DIS3L2: variants seen among roughly 807,000 people sequenced by gnomAD.
DIS3L2 encodes the protein DIS3 like 3'-5' exoribonuclease 2, also known as DIS3-like exonuclease 2.
Under a neutral mutation model 97.5 loss-of-function variants are expected in DIS3L2, and 34 were observed. That is an observed-to-expected ratio of 0.35 (90% CI 0.27 to 0.46). The LOEUF is 0.46. DIS3L2 is among the 20% of genes least tolerant of loss of function. The pLI is 1.00. For missense variants in DIS3L2, 1,038 were observed against 1,146.0 expected (o/e 0.91, Z 1.36); for synonymous variants, 435 against 445.2 (o/e 0.98, Z 0.29).
intron 9 of DIS3L2, among the ~76,000 whole-genome samples, chr2:232,202,287 A>G (rs1176645611): frequency 1.3e-5 from 2 of 152,286 alleles, no homozygotes; most frequent in African/African-American, 4.8e-5. Context: ...AGTCCCAGCT[A>G]CTTGGGAGGC....
chr2:232,043,204 A>G (rs1695154730), intron 5 of DIS3L2, among the ~76,000 whole-genome samples: 1 of 151,844 alleles, frequency 6.6e-6, no homozygotes, highest in African/African-American at 2.4e-5. Flanking sequence ...CATTATCTTT[A>G]CTCCAAAGCT....
chr2:232,005,537 C>A (rs571699795), intron 1 of DIS3L2, among the ~76,000 whole-genome samples: 10 of 152,104 alleles, frequency 6.6e-5, no homozygotes, highest in Non-Finnish European at 1.3e-4. Context: ...GTGGCCTGCC[C>A]TTGGGACAAA....
At chr2:232,192,381 A>G (rs1031361470) in intron 9 of DIS3L2, among the ~76,000 whole-genome samples, 1 of 152,108 alleles carries the variant, frequency 6.6e-6, no homozygotes, top group Non-Finnish European at 1.5e-5. Flanking sequence ...TCTCTAACTC[A>G]CGGTCCTCAT....
chr2:232,312,791 A>C (rs1314731223), intron 14 of DIS3L2, among the ~76,000 whole-genome samples: 5 of 152,080 alleles, frequency 3.3e-5, no homozygotes, highest in Admixed American at 2.0e-4. Context: ...TCTGTTAGAG[A>C]TCTTGCTCAT....
intron 5 of DIS3L2, among the ~76,000 whole-genome samples, chr2:232,080,874 G>A (rs927388853): frequency 3.4e-5 from 5 of 145,006 alleles, no homozygotes; most frequent in Admixed American, 1.4e-4. Context: ...GCACTCAAGC[G>A]TAGGTAACAA....
intron 1 of DIS3L2, among the ~76,000 whole-genome samples, chr2:232,003,604 C>T (rs1693967035): frequency 6.6e-6 from 1 of 152,142 alleles, no homozygotes; most frequent in Admixed American, 6.5e-5. Flanking sequence ...GCCTGAAGAA[C>T]TCAGTATGGC....
chr2:231,965,642 C>T (rs1384685204), intron 1 of DIS3L2, among the ~76,000 whole-genome samples: 1 of 152,120 alleles, frequency 6.6e-6, no homozygotes. Context: ...TGGTACCAGG[C>T]ACTATGCTTG....
intron 3 of DIS3L2, among the ~76,000 whole-genome samples, chr2:232,018,774 CAT>C (rs1357042636): frequency 6.6e-6 from 1 of 151,786 alleles, no homozygotes; most frequent in Non-Finnish European, 1.5e-5. Flanking sequence ...TTCGACATTT[CAT>C]TAGTATTTTT....
intron 5 of DIS3L2, among the ~76,000 whole-genome samples, chr2:232,048,695 C>T (rs1293268081): frequency 6.6e-6 from 1 of 151,288 alleles, no homozygotes; most frequent in Non-Finnish European, 1.5e-5. Flanking sequence ...CGCGCCACTG[C>T]ACTCCAGCCT....
chr2:232,290,202 C>T (rs1309714631), intron 13 of DIS3L2, among the ~76,000 whole-genome samples: 1 of 152,254 alleles, frequency 6.6e-6, no homozygotes, highest in Non-Finnish European at 1.5e-5. Context: ...AGATTGGCTG[C>T]ACTCTCTCTC....
At chr2:232,330,615 C>T in intron 15 of DIS3L2, 75 bp from the exon 16 acceptor site, 1 of 1,479,514 alleles carries the variant, frequency 6.8e-7, no homozygotes, top group Middle Eastern at 1.7e-4. Flanking sequence ...ATGAGGTGCT[C>T]AGCGGATGAC....
At chr2:232,327,153 G>T (rs1262546157) in intron 14 of DIS3L2, among the ~76,000 whole-genome samples, 18 of 151,688 alleles carry the variant, frequency 1.2e-4, no homozygotes, top group African/African-American at 3.9e-4. Flanking sequence ...AACCCATAGA[G>T]GGTGGGGCAT....
At chr2:232,337,623 G>T (rs1398157740), downstream of DIS3L2, among the ~76,000 whole-genome samples, 2 of 152,056 alleles carry the variant, frequency 1.3e-5, no homozygotes, top group African/African-American at 4.8e-5. Context: ...CGTGGGGGAA[G>T]CTCCGTGGCT....
At position 232,248,368 on chromosome 2, in the gene DIS3L2, G is replaced by A. The variant is rs1309285564; in HGVS notation, c.1318-871G>A. 3.9e-5 allele frequency among the ~76,000 whole-genome samples: 6 copies of A among 152,284 alleles called. No homozygotes were observed. The East Asian group carries it at 1.2e-3, about 29-fold the overall frequency. On this transcript the variant is annotated intron_variant, in intron 11 of 20. Coordinates refer to ENST00000325385, the MANE Select transcript of DIS3L2 (RefSeq NM_152383.5). ...ACTGCTGATGTTTTTAGTTAGAGAGGTGGGGTGGATGGTCCTGCCATTAAT... is the reference window on the plus strand; with the variant it reads ...ACTGCTGATGTTTTTAGTTAGAGAGATGGGGTGGATGGTCCTGCCATTAAT...
At position 232,142,746 on chromosome 2, in the gene DIS3L2, G is replaced by A. The variant is rs573265123; in HGVS notation, c.950+6027G>A. Among the ~76,000 whole-genome samples the A allele has an allele frequency of 3.6e-4, 55 of 152,168 alleles. 1 individual carries two copies. The highest frequency in any genetic ancestry group is 1.1e-3 in the African/African-American group (47 of 41,504). On this transcript the variant is annotated intron_variant, in intron 8 of 20. Transcript: ENST00000325385. ...GAGCCATAAGAAGCGAAAATAACTC[G>A]TTCCCTCTCCTGATTATAGAAAATA...
intron 13 of DIS3L2, among the ~76,000 whole-genome samples, chr2:232,294,459 G>C (rs1315541083): frequency 2.6e-5 from 4 of 152,198 alleles, no homozygotes; most frequent in African/African-American, 9.6e-5. Flanking sequence ...CACACCAGTA[G>C]GGACATACTT....
chr2:232,329,892 C>G lies in DIS3L2; in HGVS notation c.1819C>G (p.Leu607Val). 6.2e-7 allele frequency: 1 copy of G among 1,612,278 alleles called. No homozygotes were observed. Among genetic ancestry groups the G allele is most frequent in the Non-Finnish European group, 8.5e-7 (1 of 1,179,472 alleles). Residue 607 changes from leucine to valine, a missense_variant, in exon 15 of 21, where the codon CTG (leucine) becomes GTG (valine). By Grantham distance (32) the Leu-to-Val change is conservative (BLOSUM62 1). This residue lies in a region of DIS3L2 where 813 missense variants were observed against 880.1 expected (regional missense o/e 0.92). Coordinates refer to ENST00000325385, the MANE Select transcript of DIS3L2 (RefSeq NM_152383.5). The stretch of plus-strand genomic sequence containing the variant: ...CCGCGCCTTCCCCGAGCAGGCCCTG[C>G]TGCGCCGGCACCCCCCGCCCCAAAC... The part of the protein sequence containing the change: ...IHRAFPEQAL[L>V]RRHPPPQTRM...
intron 1 of DIS3L2, among the ~76,000 whole-genome samples, chr2:231,977,729 G>T (rs1468866714): frequency 1.3e-5 from 2 of 152,204 alleles, no homozygotes; most frequent in African/African-American, 4.8e-5. Flanking sequence ...TGTAATATTT[G>T]TATCTCAAAG....
intron 10 of DIS3L2, among the ~76,000 whole-genome samples, chr2:232,217,003 C>T (rs560708146): frequency 4.6e-5 from 7 of 152,198 alleles, no homozygotes; most frequent in East Asian, 3.9e-4. Flanking sequence ...CCACCACACC[C>T]GGCTAATTTT....
Sources: allele counts gnomAD v4.1 joint callset (sites outside exome capture counted in the v4.1 genomes callset), GRCh38; gene constraint gnomAD v4.1.1; regional missense constraint gnomAD v4.1.1; transcripts MANE v1.5; gene names NCBI Gene and HGNC (gene_info 2026-07-23, HGNC 2026-07-21).